Variants in RELN observed in about 807,000 individuals in gnomAD.
RELN encodes reelin.
A neutral mutation model predicts 427.6 loss-of-function variants in RELN; 108 were observed. The observed-to-expected ratio is 0.25, with a 90% CI of 0.22 to 0.30. The LOEUF (loss-of-function observed/expected upper bound fraction) is 0.30. Among genes scored for constraint, RELN ranks in the 10% least tolerant of loss-of-function variants. The probability of loss-of-function intolerance (pLI) is 1.00; values close to 1 mark genes in which losing one functional copy is unlikely to be tolerated. For synonymous variants in RELN, 1,524 were observed against 1,513.4 expected (o/e 1.01, Z -0.16); for missense variants, 3,715 against 4,302.8 (o/e 0.86, Z 3.82).
At chr7:103,478,085 A>G (rs1239207619) in intron 64 of RELN, among the ~76,000 whole-genome samples, 2 of 152,194 alleles carry the variant, frequency 1.3e-5, no homozygotes, top group African/African-American at 4.8e-5. Context: ...TACGGTGTCA[A>G]GCACAGAGCA....
intron 20 of RELN, among the ~76,000 whole-genome samples, chr7:103,629,413 T>C (rs1367021846): frequency 1.3e-5 from 2 of 152,208 alleles, no homozygotes; most frequent in Admixed American, 6.5e-5. Flanking sequence ...ACTGGTCCAA[T>C]AGTGTTTGAT....
intron 50 of RELN, among the ~76,000 whole-genome samples, chr7:103,514,294 T>TTAA (rs1344775522): frequency 6.6e-6 from 1 of 152,200 alleles, no homozygotes; most frequent in Non-Finnish European, 1.5e-5. Context: ...AGATACATAC[T>TTAA]TAATATAAGA....
chr7:103,965,598 C>T (rs1319901650), intron 1 of RELN, among the ~76,000 whole-genome samples: 2 of 152,132 alleles, frequency 1.3e-5, no homozygotes, highest in Non-Finnish European at 2.9e-5. Context: ...AAGGCTTGGA[C>T]GTTATTCTAA....
chr7:103,543,994 T>A (rs1330874214), intron 42 of RELN, among the ~76,000 whole-genome samples: 1 of 152,210 alleles, frequency 6.6e-6, no homozygotes, highest in Non-Finnish European at 1.5e-5. Context: ...TTATTCTGAA[T>A]ATTTCATAAA....
intron 2 of RELN, among the ~76,000 whole-genome samples, chr7:103,842,792 T>G (rs1476066057): frequency 6.6e-6 from 1 of 152,170 alleles, no homozygotes; most frequent in Non-Finnish European, 1.5e-5. Context: ...AAACTACCTA[T>G]TTCCACACCT....
intron 52 of RELN, among the ~76,000 whole-genome samples, chr7:103,501,193 T>C (rs1829015394): frequency 6.6e-6 from 1 of 152,120 alleles, no homozygotes; most frequent in African/African-American, 2.4e-5. Context: ...TAAATAGAAA[T>C]ATTTAAATAC....
intron 2 of RELN, among the ~76,000 whole-genome samples, chr7:103,896,964 C>T (rs964722670): frequency 6.6e-6 from 1 of 152,010 alleles, no homozygotes; most frequent in Non-Finnish European, 1.5e-5. Flanking sequence ...CTGGGGAGGC[C>T]TCACAATCAT....
chr7:103,556,157 A>C (rs759746155), intron 38 of RELN, among the ~76,000 whole-genome samples: 1 of 152,244 alleles, frequency 6.6e-6, no homozygotes, highest in Non-Finnish European at 1.5e-5. Flanking sequence ...ATGTGATAAG[A>C]ATATTTTATC....
intron 8 of RELN, among the ~76,000 whole-genome samples, chr7:103,701,372 T>C (rs948383992): frequency 1.3e-5 from 2 of 152,156 alleles, no homozygotes; most frequent in African/African-American, 2.4e-5. Context: ...GGAGTGATTA[T>C]ATTAAATGGT....
rs138554823 is a variant in RELN at position 103,835,802 on chromosome 7, T to C, written c.338-2130A>G. On this transcript the variant is annotated intron_variant, in intron 2 of 64. Transcript: ENST00000428762. ...CCTTAAAGTTGCTATAAGTAGTAAA[T>C]GGCCCAATACATATGACAGCACCTA... is the stretch of plus-strand genomic sequence containing the variant. Among the ~76,000 whole-genome samples, 1,027 of 152,172 alleles carry C rather than the reference T, an allele frequency of 6.7e-3. 12 individuals carry two copies. Among genetic ancestry groups the C allele is most frequent in the African/African-American group, 0.023 (944 of 41,480 alleles).
chr7:103,818,344 CT>C (rs1792931037), intron 3 of RELN, among the ~76,000 whole-genome samples: 1 of 152,128 alleles, frequency 6.6e-6, no homozygotes, highest in Non-Finnish European at 1.5e-5. Context: ...ACAGAAAATA[CT>C]GCAAAATGAG....
Position 103,496,460 on chromosome 7 carries a change from T to G in RELN, c.9193+66A>C, listed in dbSNP as rs568983354. Reference sequence around the variant, plus strand: ...TATAAATGCTTTTCATGTGCTAATCTATCTGAAGACATAAGCAGAAAAATG... The same window carrying G: ...TATAAATGCTTTTCATGTGCTAATCGATCTGAAGACATAAGCAGAAAAATG... On this transcript the variant is annotated intron_variant, in intron 56 of 64. Coordinates refer to ENST00000428762, the MANE Select transcript of RELN (RefSeq NM_005045.4). 1.2e-4 allele frequency: 185 copies of G among 1,603,340 alleles called. No individual in the cohort carries two copies. The African/African-American group carries it at 2.0e-3, about 17-fold the overall frequency.
At chr7:103,840,694 T>C (rs1403558741) in intron 2 of RELN, among the ~76,000 whole-genome samples, 1 of 152,236 alleles carries the variant, frequency 6.6e-6, no homozygotes, top group East Asian at 1.9e-4. Context: ...GTGATCTTTT[T>C]AATGCCTTTT....
intron 2 of RELN, among the ~76,000 whole-genome samples, chr7:103,869,537 T>C (rs1021680711): frequency 3.9e-5 from 6 of 152,100 alleles, no homozygotes; most frequent in Non-Finnish European, 8.8e-5. Context: ...ATGCATATAG[T>C]GTTCTGGGCT....
intron 2 of RELN, among the ~76,000 whole-genome samples, chr7:103,837,122 CT>C (rs1290628533): frequency 2.6e-5 from 4 of 152,120 alleles, no homozygotes; most frequent in Non-Finnish European, 5.9e-5. Context: ...AAGGATTCGA[CT>C]TTTTTCCCTA....
chr7:103,544,918 G>T lies in RELN; in HGVS notation c.6523+206C>A, dbSNP rs375412196. Among the ~76,000 whole-genome samples the T allele has an allele frequency of 3.7e-4, 56 of 152,306 alleles. No homozygotes were observed. In the South Asian group the frequency reaches 6.2e-3, roughly 17 times the overall value. The stretch of plus-strand genomic sequence containing the variant: ...CTTAGTTTTTCTCAATAAAGGTCTT[G>T]TAGCATGTATCAGTATTTCACTCAC... On this transcript the variant is annotated intron_variant, in intron 42 of 64. Coordinates refer to ENST00000428762, the MANE Select transcript of RELN (RefSeq NM_005045.4).
intron 41 of RELN, among the ~76,000 whole-genome samples, chr7:103,545,978 A>T (rs574358767): frequency 3.5e-5 from 5 of 141,526 alleles, no homozygotes; most frequent in Admixed American, 7.2e-5. Flanking sequence ...AACCTTTTTT[A>T]AAAAAACTGA....
intron 17 of RELN, among the ~76,000 whole-genome samples, chr7:103,638,403 T>TA (rs1184004136): frequency 6.6e-6 from 1 of 152,086 alleles, no homozygotes; most frequent in Non-Finnish European, 1.5e-5. Context: ...CAGAAAGTGT[T>TA]AGAGGGAACA....
At chr7:103,510,408 G>A (rs1053456137) in intron 51 of RELN, among the ~76,000 whole-genome samples, 1 of 152,156 alleles carries the variant, frequency 6.6e-6, no homozygotes, top group Non-Finnish European at 1.5e-5. Context: ...AACACCACAT[G>A]TTCTCACTCA....
Sources: gnomAD v4.1 joint callset for allele counts (sites outside exome capture counted in the v4.1 genomes callset) on GRCh38, gnomAD v4.1.1 for gene constraint, MANE v1.5 for transcripts, NCBI Gene and HGNC (gene_info 2026-07-23, HGNC 2026-07-21) for gene names.